Variants in ERBB4 observed in about 807,000 individuals in gnomAD.
ERBB4 encodes receptor tyrosine-protein kinase erbB-4.
A neutral mutation model predicts 158.0 loss-of-function variants in ERBB4; 42 were observed. The observed-to-expected ratio is 0.27, with a 90% CI of 0.21 to 0.34. ERBB4 has a LOEUF of 0.34. ERBB4 is among the 10% of genes least tolerant of loss of function. The pLI, the probability that ERBB4 is intolerant of heterozygous loss-of-function variation, is 1.00. For synonymous variants in ERBB4, 583 were observed against 558.7 expected (o/e 1.04, Z -0.61); for missense variants, 1,333 against 1,624.1 (o/e 0.82, Z 3.08).
intron 20 of ERBB4, among the ~76,000 whole-genome samples, chr2:211,444,218 A>T (rs1206893178): frequency 3.1e-5 from 4 of 128,120 alleles, no homozygotes. Flanking sequence ...ACATTCTCAT[A>T]GTAATATAAT....
intron 3 of ERBB4, among the ~76,000 whole-genome samples, chr2:211,830,158 C>G (rs2077189873): frequency 6.6e-6 from 1 of 152,158 alleles, no homozygotes; most frequent in Admixed American, 6.6e-5. Flanking sequence ...GGGACTGTGT[C>G]TTATTTGTTT....
At chr2:212,072,374 T>C (rs2078147602) in intron 2 of ERBB4, among the ~76,000 whole-genome samples, 1 of 151,986 alleles carries the variant, frequency 6.6e-6, no homozygotes, top group Non-Finnish European at 1.5e-5. Context: ...CGTAGAATGA[T>C]GATAGTTTTC....
intron 5 of ERBB4, among the ~76,000 whole-genome samples, chr2:211,730,451 C>T (rs185770822): frequency 2.0e-5 from 3 of 151,972 alleles, no homozygotes; most frequent in East Asian, 3.9e-4. Context: ...CCTCCTCCCC[C>T]ATCTCCTTCC....
intron 1 of ERBB4, among the ~76,000 whole-genome samples, chr2:212,184,745 TAA>T (rs2081968831): frequency 6.6e-6 from 1 of 152,122 alleles, no homozygotes; most frequent in Non-Finnish European, 1.5e-5. Context: ...TAGCATAGAG[TAA>T]AAATTGATAT....
intron 19 of ERBB4, among the ~76,000 whole-genome samples, chr2:211,587,109 C>T (rs2068304618): frequency 6.6e-6 from 1 of 151,588 alleles, no homozygotes; most frequent in African/African-American, 2.4e-5. Flanking sequence ...AGACACCCTG[C>T]AGGGAGACCA....
At chr2:211,814,703 G>A (rs994082434) in intron 3 of ERBB4, among the ~76,000 whole-genome samples, 3 of 151,960 alleles carry the variant, frequency 2.0e-5, no homozygotes, top group Non-Finnish European at 4.4e-5. Flanking sequence ...CTCAAAACAG[G>A]TAGAAACTCA....
chr2:211,806,278 A>T (rs2076612911), intron 3 of ERBB4, among the ~76,000 whole-genome samples: 1 of 152,180 alleles, frequency 6.6e-6, no homozygotes, highest in Admixed American at 6.5e-5. Flanking sequence ...GACAGCAGGG[A>T]TCAAAATCAC....
chr2:212,071,728 A>T (rs963017074), intron 2 of ERBB4, among the ~76,000 whole-genome samples: 4 of 152,008 alleles, frequency 2.6e-5, no homozygotes, highest in Non-Finnish European at 4.4e-5. Flanking sequence ...TTATAAAGCT[A>T]TTACGATGAA....
At chr2:212,029,697 G>T (rs2076856383) in intron 2 of ERBB4, among the ~76,000 whole-genome samples, 1 of 152,060 alleles carries the variant, frequency 6.6e-6, no homozygotes, top group Non-Finnish European at 1.5e-5. Context: ...ATCTCATACA[G>T]TCTTCCAAAA....
At chr2:211,630,616 A>T in intron 16 of ERBB4, 22 bp from the exon 17 acceptor site, 4 of 1,603,068 alleles carry the variant, frequency 2.5e-6, no homozygotes, top group Non-Finnish European at 3.4e-6. Context: ...AATGAGAAAA[A>T]AAAAAATAAA....
intron 3 of ERBB4, among the ~76,000 whole-genome samples, chr2:211,877,126 T>C (rs2078524548): frequency 6.6e-6 from 1 of 152,350 alleles, no homozygotes; most frequent in African/African-American, 2.4e-5. Context: ...GTGGAGGCAG[T>C]GTGTACAACT....
chr2:211,572,768 T>C (rs1413646072), intron 19 of ERBB4, among the ~76,000 whole-genome samples: 1 of 152,252 alleles, frequency 6.6e-6, no homozygotes, highest in Non-Finnish European at 1.5e-5. Context: ...CCTTCAACTT[T>C]GTATGCCATG....
At position 211,702,085 on chromosome 2, in the gene ERBB4, G is replaced by A. The variant is rs377182929; in HGVS notation, c.1371C>T (p.Asn457=). 27 of 1,613,834 alleles carry A rather than the reference G, an allele frequency of 1.7e-5. No individual in the cohort carries two copies. Among genetic ancestry groups the A allele is most frequent in the Non-Finnish European group, 2.0e-5 (24 of 1,179,882 alleles). ...GGTTGCTGTTGTCAGTAATATAGAT[G>A]TTTCCTGCGCTGATTTCCTTCAGGG... is the stretch of plus-strand genomic sequence containing the variant. The part of the protein sequence containing the change: ...FQSLKEISAG[N]IYITDNSNLC... Residue 457 remains asparagine, a synonymous_variant, in exon 12 of 28, where the codon AAC becomes AAT. Transcript: ENST00000342788.
In ERBB4 at chr2:211,376,728, C is replaced by T. The variant is rs2062479933; in HGVS notation, c.*6887G>A. The stretch of plus-strand genomic sequence containing the variant: ...ATGTTTGAGAGTAGATTTAAGATGA[C>T]TTTTTTTGTGCTATGAATTGTCTTC... On this transcript the variant is annotated 3_prime_UTR_variant, in exon 28 of 28. Coordinates refer to ENST00000342788, the MANE Select transcript of ERBB4 (RefSeq NM_005235.3). 8.6e-6 allele frequency: 2 copies of T among 232,936 alleles called. No individual in the cohort carries two copies. The allele number at this position is 232,936 out of a possible 1,614,324, so 14.4% of individuals were successfully genotyped here.
intron 2 of ERBB4, among the ~76,000 whole-genome samples, chr2:212,031,286 G>T (rs896893082): frequency 1.3e-5 from 2 of 152,040 alleles, no homozygotes; most frequent in Non-Finnish European, 2.9e-5. Context: ...TCATTCAAAT[G>T]TTTCCAAGTA....
intron 1 of ERBB4, among the ~76,000 whole-genome samples, chr2:212,488,749 A>G (rs1690113918): frequency 6.6e-6 from 1 of 151,656 alleles, no homozygotes; most frequent in Non-Finnish European, 1.5e-5. Flanking sequence ...TAATTACCCC[A>G]TTGTTACAAT....
At chr2:211,871,005 G>A (rs1353343548) in intron 3 of ERBB4, among the ~76,000 whole-genome samples, 1 of 152,196 alleles carries the variant, frequency 6.6e-6, no homozygotes, top group Non-Finnish European at 1.5e-5. Context: ...CAAGCTTAGT[G>A]TGGGAACACA....
At chr2:212,177,952 G>A (rs951362598) in intron 1 of ERBB4, among the ~76,000 whole-genome samples, 1 of 101,642 alleles carries the variant, frequency 9.8e-6, no homozygotes, top group Non-Finnish European at 2.1e-5. Context: ...GAGTGTTTGT[G>A]AGTGTGAGTG....
At chr2:211,562,841 G>A (rs868770976) in intron 19 of ERBB4, among the ~76,000 whole-genome samples, 309 of 143,382 alleles carry the variant, frequency 2.2e-3, no homozygotes, top group African/African-American at 7.8e-3. Context: ...GCGGGATCTC[G>A]GCTCACTGCA....
Sources: gnomAD v4.1 joint callset for allele counts (sites outside exome capture counted in the v4.1 genomes callset) on GRCh38, gnomAD v4.1.1 for gene constraint, MANE v1.5 for transcripts, NCBI Gene and HGNC (gene_info 2026-07-23, HGNC 2026-07-21) for gene names.